The following HYKK variants were observed in gnomAD, a reference collection of about 807,000 sequenced individuals.
HYKK encodes 5-hydroxy-L-lysine kinase.
HYKK carries 19 observed loss-of-function variants against 29.7 expected under a neutral mutation model. The observed-to-expected ratio is 0.64, with a 90% CI of 0.45 to 0.94. The LOEUF (loss-of-function observed/expected upper bound fraction) is 0.94, where lower values mean the gene tolerates loss of function less well. HYKK is among the 40% of genes least tolerant of loss of function. HYKK has a pLI of 0.00. For synonymous variants in HYKK, 152 were observed against 158.1 expected (o/e 0.96, Z 0.29); for missense variants, 390 against 443.4 (o/e 0.88, Z 1.08).
chr15:78,517,581 A>C (rs1441989534), intron 3 of HYKK, among the ~76,000 whole-genome samples: 1 of 152,124 alleles, frequency 6.6e-6, no homozygotes, highest in African/African-American at 2.4e-5. Context: ...TCCATCTTAA[A>C]AAAAAAAGAA....
At chr15:78,527,758 A>G (rs2052270298) in intron 4 of HYKK, 195 bp downstream of exon 4, 2 of 1,344,008 alleles carry the variant, frequency 1.5e-6, no homozygotes, top group Non-Finnish European at 1.9e-6. Flanking sequence ...TAAACTTTAC[A>G]TGAGTCTACC....
In HYKK at chr15:78,519,928, A is replaced by G. The variant is rs140604698; in HGVS notation, c.477+4821A>G. Among the ~76,000 whole-genome samples, 79 of 152,308 alleles carry G rather than the reference A, an allele frequency of 5.2e-4. 1 individual carries two copies. The highest frequency in any genetic ancestry group is 1.8e-3 in the African/African-American group (74 of 41,566). ...TCCTTCCGCCCTATCTGTGGGCTTC[A>G]TTCATATGCCTATGGCCACTGAACT... On this transcript the variant is annotated intron_variant, in intron 3 of 4. Coordinates refer to ENST00000388988, the MANE Select transcript of HYKK (RefSeq NM_001013619.4).
intron 3 of HYKK, among the ~76,000 whole-genome samples, chr15:78,515,564 A>C (rs2052123161): frequency 6.6e-6 from 1 of 151,088 alleles, no homozygotes; most frequent in African/African-American, 2.4e-5. Context: ...TCTGGGTGAC[A>C]GAGTGACACT....
rs58709975 is a variant in HYKK, at chr15:78,535,289, C to CTTTTTTTTTT, written c.*1625_*1634dup. On this transcript the variant is annotated 3_prime_UTR_variant, in exon 5 of 5. Transcript: ENST00000388988. The stretch of plus-strand genomic sequence containing the variant: ...ATTTCTTTTTCTTTTCTTTTCTTTT[C>CTTTTTTTTTT]TTTTTTTTTTTTTTTGGTGGTGGGG... 4.6e-5 allele frequency: 6 copies of CTTTTTTTTTT among 130,958 alleles called. No individual in the cohort carries two copies. Among genetic ancestry groups the CTTTTTTTTTT allele is most frequent in the Non-Finnish European group, 4.7e-5 (3 of 63,408 alleles). The allele number at this position is 130,958 out of a possible 1,614,324, so 8.1% of individuals were successfully genotyped here.
chr15:78,517,457 T>C (rs567368113), intron 3 of HYKK, among the ~76,000 whole-genome samples: 1 of 152,216 alleles, frequency 6.6e-6, no homozygotes, highest in African/African-American at 2.4e-5. Context: ...TGCACGCCTA[T>C]AATCCCAGCT....
intron 4 of HYKK, among the ~76,000 whole-genome samples, chr15:78,532,206 C>T (rs916870416): frequency 3.9e-5 from 6 of 152,158 alleles, no homozygotes; most frequent in Admixed American, 2.0e-4. Flanking sequence ...GCATGATTCA[C>T]GTACAGTTCA....
In HYKK at chr15:78,527,858, TG is replaced by T. The variant is rs1298114123; in HGVS notation, c.661+297del. 1.2e-4 allele frequency: 69 copies of T among 566,902 alleles called. No homozygotes were observed. The African/African-American group carries it at 1.3e-3, about 11-fold the overall frequency. 35.1% of individuals were successfully genotyped at this position (566,902 alleles called of 1,614,324 possible). On this transcript the variant is annotated intron_variant, in intron 4 of 4. Coordinates refer to ENST00000388988, the MANE Select transcript of HYKK (RefSeq NM_001013619.4). Reference sequence around the variant, plus strand: ...TTGTGTTTTTCAAACTTTATATCAATGGTATCACACTGTGTATTATTATTCT... The same window carrying T: ...TTGTGTTTTTCAAACTTTATATCAATGTATCACACTGTGTATTATTATTCT...
Position 78,532,654 on chromosome 15 carries a change from G to A in HYKK, c.662-556G>A, listed in dbSNP as rs2052323598. ...TACTAAAAATACAAAAATTAGCTGG[G>A]TGTGGTGGTGGCGCACCCCTGTAAT... is the stretch of plus-strand genomic sequence containing the variant. On this transcript the variant is annotated intron_variant, in intron 4 of 4. Transcript: ENST00000388988. Among the ~76,000 whole-genome samples the A allele has an allele frequency of 2.0e-5, 3 of 152,142 alleles. No individual in the cohort carries two copies. The South Asian group carries it at 6.2e-4, about 32-fold the overall frequency.
intron 4 of HYKK, chr15:78,528,542 C>T: frequency 1.0e-6 from 1 of 982,396 alleles, no homozygotes; most frequent in Non-Finnish European, 1.2e-6. Context: ...GTGGCTCCCG[C>T]CTGTAATCCC....
rs144873275 is a variant in HYKK, at chr15:78,531,409, C to T, written c.662-1801C>T. Among the ~76,000 whole-genome samples, 1,229 of 152,248 alleles carry T rather than the reference C, an allele frequency of 8.1e-3. 12 individuals carry two copies. Among genetic ancestry groups the T allele is most frequent in the Admixed American group, 0.039 (591 of 15,288 alleles). On this transcript the variant is annotated intron_variant, in intron 4 of 4. Coordinates refer to ENST00000388988, the MANE Select transcript of HYKK (RefSeq NM_001013619.4). ...TTAAATTTTCTGTAACTTTCACTTA[C>T]ATTTTTGTCTGCTTTTTCTAACAAT...
At chr15:78,515,719 G>C (rs2052125854) in intron 3 of HYKK, among the ~76,000 whole-genome samples, 1 of 151,736 alleles carries the variant, frequency 6.6e-6, no homozygotes. Flanking sequence ...CTCCCAAGTA[G>C]CTGGGACTAC....
At chr15:78,520,277 TTC>T (rs1188994928) in intron 3 of HYKK, among the ~76,000 whole-genome samples, 1 of 151,934 alleles carries the variant, frequency 6.6e-6, no homozygotes, top group Non-Finnish European at 1.5e-5. Flanking sequence ...TCTTGGGTGT[TTC>T]TCGCAGAGGG....
chr15:78,518,612 CT>C (rs1163149585), intron 3 of HYKK: 1 of 455,306 alleles, frequency 2.2e-6, no homozygotes, highest in Admixed American at 2.3e-5. Context: ...CGTTACACCC[CT>C]ATTGGCCAAA....
Position 78,533,458 on chromosome 15 carries a change from G to T in HYKK, c.910G>T (p.Ala304Ser), listed in dbSNP as rs1486384389. 1 of 1,614,208 alleles carries T rather than the reference G, an allele frequency of 6.2e-7. No individual in the cohort carries two copies. Among genetic ancestry groups the T allele is most frequent in the Middle Eastern group, 1.6e-4 (1 of 6,062 alleles). Residue 304 changes from alanine (A) to serine (S), a missense_variant, in exon 5 of 5, where the codon GCT becomes TCT. Ala to Ser is a moderately conservative substitution (Grantham distance 99). Transcript: ENST00000388988. ...ITPLTAVEKG[A>S]LFLLVCSRFC... ...CCCACTGACAGCTGTAGAGAAGGGT[G>T]CTTTGTTTTTACTTGTATGCAGTCG...
At chr15:78,514,908 C>CTATATATATATA (rs1555411228) in intron 2 of HYKK, 60 bp from the exon 3 acceptor site, 1 of 383,692 alleles carries the variant, frequency 2.6e-6, no homozygotes, top group African/African-American at 2.5e-5. Flanking sequence ...CTCTCTCTCT[C>CTATATATATATA]TATATATATA....
intron 1 of HYKK, among the ~76,000 whole-genome samples, chr15:78,510,812 A>G (rs2052066979): frequency 1.3e-5 from 2 of 152,122 alleles, no homozygotes; most frequent in African/African-American, 2.4e-5. Flanking sequence ...TTAGGTTTTA[A>G]GTTAAGTTTT....
In HYKK at chr15:78,527,391, C is replaced by T. The variant is rs111375839; in HGVS notation, c.489C>T (p.His163=). 9.4e-4 allele frequency: 1,522 copies of T among 1,613,802 alleles called. 15 individuals are homozygous for T. In the African/African-American group the frequency reaches 0.018, roughly 19 times the overall value. Residue 163 remains histidine (H), a synonymous_variant, in exon 4 of 5, where the codon CAC becomes CAT. Coordinates refer to ENST00000388988, the MANE Select transcript of HYKK (RefSeq NM_001013619.4). ...CGCTTTTGATTTAGAGATTCCATCA[C>T]CCAAAGTTAAGTAGTCTTCATCGGG... ...KLDKTLQRFH[H]PKLSSLHREN...
At chr15:78,508,650 C>T (rs1279220356) in intron 1 of HYKK, among the ~76,000 whole-genome samples, 1 of 151,926 alleles carries the variant, frequency 6.6e-6, no homozygotes, top group Non-Finnish European at 1.5e-5. Context: ...ACCTGAATTC[C>T]TCCTCTCCCT....
At chr15:78,520,527 G>T (rs373530216) in intron 3 of HYKK, among the ~76,000 whole-genome samples, 1 of 152,040 alleles carries the variant, frequency 6.6e-6, no homozygotes, top group African/African-American at 2.4e-5. Flanking sequence ...TGGACACAGC[G>T]CATGTTTCAG....
Sources: gnomAD v4.1 joint callset for allele counts (sites outside exome capture counted in the v4.1 genomes callset) on GRCh38, gnomAD v4.1.1 for gene constraint, MANE v1.5 for transcripts, NCBI Gene and HGNC (gene_info 2026-07-23, HGNC 2026-07-21) for gene names.